CENPN: variants seen among roughly 807,000 people sequenced by gnomAD.
The protein encoded by CENPN is interphase centromere complex protein 32.
Under a neutral mutation model 48.6 loss-of-function variants are expected in CENPN, and 36 were observed. The observed-to-expected ratio is 0.74, with a 90% CI of 0.57 to 0.98. The LOEUF (loss-of-function observed/expected upper bound fraction) is 0.98. CENPN is among the 50% of genes least tolerant of loss of function. CENPN has a pLI of 0.00. For synonymous variants in CENPN, 166 were observed against 135.2 expected, an observed-to-expected ratio of 1.23 and a Z score of -1.58; for missense variants, 439 against 399.2, an observed-to-expected ratio of 1.10 and a Z score of -0.85.
chr16:81,032,485 C>T (rs1970812840), downstream of CENPN: 1 of 1,386,210 alleles, frequency 7.2e-7, no homozygotes, highest in Non-Finnish European at 9.8e-7. Context: ...CCCCTCCCCA[C>T]CAGGCACGTT....
At chr16:81,021,112 C>T (rs1970172817) in intron 6 of CENPN, among the ~76,000 whole-genome samples, 1 of 151,074 alleles carries the variant, frequency 6.6e-6, no homozygotes. Context: ...AAAAAATTAA[C>T]ATAACATTTC....
In CENPN at chr16:81,017,162, A is replaced by G. The variant is rs537480706; in HGVS notation, c.218-164A>G. 31 of 370,236 alleles carry G rather than the reference A, an allele frequency of 8.4e-5. No individual in the cohort carries two copies. The African/African-American group carries it at 1.6e-3, about 19-fold the overall frequency. The allele number at this position is 370,236 out of a possible 1,614,324, so 22.9% of individuals were successfully genotyped here. A position where few individuals can be genotyped will look rare whatever the true frequency, so the allele number is the denominator to read the frequency against. ...ATTATGATTTGCTTTATTTATATGA[A>G]GTACTTTAATCCATATAAAGTTTAT... On this transcript the variant is annotated intron_variant, in intron 3 of 10. Transcript: ENST00000305850.
intron 8 of CENPN, among the ~76,000 whole-genome samples, chr16:81,024,983 C>CA (rs1970399434): frequency 6.6e-6 from 1 of 152,190 alleles, no homozygotes; most frequent in South Asian, 2.1e-4. Flanking sequence ...CAATAAACAA[C>CA]AAAACAATAA....
intron 4 of CENPN, 120 bp downstream of exon 4, chr16:81,017,505 A>G (rs1449334117): frequency 5.5e-6 from 4 of 724,466 alleles, no homozygotes; most frequent in African/African-American, 5.4e-5. Flanking sequence ...GCAAGACTCT[A>G]TATCCAAAAA....
intron 6 of CENPN, among the ~76,000 whole-genome samples, chr16:81,022,022 G>C (rs1485177970): frequency 6.6e-6 from 1 of 152,192 alleles, no homozygotes; most frequent in Non-Finnish European, 1.5e-5. Flanking sequence ...GCCTGCCAAA[G>C]CGCTGGGATT....
intron 2 of CENPN, 107 bp downstream of exon 2, chr16:81,012,217 T>A: frequency 1.0e-6 from 1 of 970,276 alleles, no homozygotes; most frequent in Non-Finnish European, 1.5e-6. Context: ...GCTAAACTAC[T>A]AGTGAAGTGA....
intron 5 of CENPN, among the ~76,000 whole-genome samples, chr16:81,018,173 CTTT>C: frequency 6.9e-6 from 1 of 145,144 alleles, no homozygotes; most frequent in African/African-American, 2.5e-5. Context: ...AATTTTTAAT[CTTT>C]TTTTTTTTTT....
intron 10 of CENPN, 132 bp downstream of exon 10, chr16:81,028,429 C>G (rs1970612203): frequency 1.1e-5 from 16 of 1,465,306 alleles, no homozygotes; most frequent in Admixed American, 6.2e-5. Context: ...TCTCTTGCAT[C>G]TTCTGCTTCT....
In CENPN at chr16:81,028,302, G is replaced by A; in HGVS notation, c.937+5G>A. 2 of 1,614,006 alleles carry A rather than the reference G, an allele frequency of 1.2e-6. No individual in the cohort carries two copies. The highest frequency in any genetic ancestry group is 2.2e-5 in the East Asian group (1 of 44,874). The stretch of plus-strand genomic sequence containing the variant: ...TGAAATCCTTAGCACCAGCGGGTGA[G>A]TGGTCAGCTTACTCTATAAGCTAGA... On this transcript the variant is annotated splice_donor_5th_base_variant and intron_variant, in intron 10 of 10. Coordinates refer to ENST00000305850, the MANE Select transcript of CENPN (RefSeq NM_001100624.3).
chr16:81,030,315 T>C lies in CENPN; in HGVS notation c.*1664T>C, dbSNP rs1020257873. Reference sequence around the variant, plus strand: ...TTGGAGTTACAGAAACACATTAGACTGGGCATGGTGGCTCACACTTGTAAT... The same window carrying C: ...TTGGAGTTACAGAAACACATTAGACCGGGCATGGTGGCTCACACTTGTAAT... On this transcript the variant is annotated 3_prime_UTR_variant, in exon 11 of 11. Transcript: ENST00000305850. 4 of 985,464 alleles carry C rather than the reference T, an allele frequency of 4.1e-6. No homozygotes were observed. In the South Asian group the frequency reaches 1.9e-4, roughly 46 times the overall value. The allele number at this position is 985,464 out of a possible 1,614,324, so 61.0% of individuals were successfully genotyped here. A position where few individuals can be genotyped will look rare whatever the true frequency, so the allele number is the denominator to read the frequency against.
intron 1 of CENPN, among the ~76,000 whole-genome samples, chr16:81,009,114 G>T (rs776902958): frequency 1.2e-4 from 19 of 152,208 alleles, no homozygotes; most frequent in Non-Finnish European, 2.1e-4. Context: ...GGCTGAGGCA[G>T]GAGAATCATT....
At chr16:81,015,878 G>A (rs141191457) in intron 3 of CENPN, among the ~76,000 whole-genome samples, 91 of 152,138 alleles carry the variant, frequency 6.0e-4, no homozygotes, top group African/African-American at 2.1e-3. Context: ...ATGATGGCAG[G>A]TACCTGTAAT....
chr16:81,028,809 C>T lies in CENPN; in HGVS notation c.*158C>T. 7.1e-7 allele frequency: 1 copy of T among 1,408,028 alleles called. No individual in the cohort carries two copies. Among genetic ancestry groups the T allele is most frequent in the Non-Finnish European group, 9.2e-7 (1 of 1,086,432 alleles). The allele number at this position is 1,408,028 out of a possible 1,614,324, so 87.2% of individuals were successfully genotyped here. On this transcript the variant is annotated 3_prime_UTR_variant, in exon 11 of 11. Coordinates refer to ENST00000305850, the MANE Select transcript of CENPN (RefSeq NM_001100624.3). ...GCTCACATAATTGTTGGGACTGATT[C>T]ATTCCTCCACGATATGCCTCCTCTC...
chr16:81,019,061 T>C (rs1476965471), intron 5 of CENPN, among the ~76,000 whole-genome samples: 1 of 152,230 alleles, frequency 6.6e-6, no homozygotes, highest in African/African-American at 2.4e-5. Context: ...GTACCTCTGG[T>C]CTTGCCATGT....
intron 2 of CENPN, among the ~76,000 whole-genome samples, chr16:81,012,597 A>T (rs535169503): frequency 1.3e-5 from 2 of 152,022 alleles, no homozygotes; most frequent in Non-Finnish European, 2.9e-5. Flanking sequence ...TTATTTATTT[A>T]TTTTTTATTT....
chr16:81,027,729 C>G (rs569724664), intron 9 of CENPN, among the ~76,000 whole-genome samples: 11 of 152,224 alleles, frequency 7.2e-5, no homozygotes, highest in African/African-American at 2.4e-4. Context: ...TTCTGAGATG[C>G]AGTTTCACTC....
At chr16:81,014,062 C>A in intron 2 of CENPN, 74 bp from the exon 3 acceptor site, 2 of 1,246,458 alleles carry the variant, frequency 1.6e-6, no homozygotes, top group Non-Finnish European at 1.2e-6. Flanking sequence ...TCTAACCAAT[C>A]CTAAAATGTG....
At position 81,007,273 on chromosome 16, in the gene CENPN, G is replaced by A. The variant is rs1475534388; in HGVS notation, c.-15G>A. ...GAGGAGTGAGACTGCAGGAGATGTG[G>A]GCCGGTAAGAGAGCCCCGGGCGGCA... On this transcript the variant is annotated 5_prime_UTR_variant, in exon 1 of 11. The change creates a premature stop within an existing upstream ORF in the 5' untranslated region. Coordinates refer to ENST00000305850, the MANE Select transcript of CENPN (RefSeq NM_001100624.3). 6.4e-6 allele frequency: 1 copy of A among 155,374 alleles called. No individual in the cohort carries two copies. The allele number at this position is 155,374 out of a possible 1,614,324, so 9.6% of individuals were successfully genotyped here. A position where few individuals can be genotyped will look rare whatever the true frequency, so the allele number is the denominator to read the frequency against.
chr16:81,026,116 T>A (rs1205118862), intron 8 of CENPN, among the ~76,000 whole-genome samples: 2 of 139,298 alleles, frequency 1.4e-5, no homozygotes, highest in Non-Finnish European at 3.1e-5. Context: ...TATATATATA[T>A]GTATATATAT....
Sources: gnomAD v4.1 joint callset for allele counts (sites outside exome capture counted in the v4.1 genomes callset) on GRCh38, gnomAD v4.1.1 for gene constraint, MANE v1.5 for transcripts, NCBI Gene and HGNC (gene_info 2026-07-23, HGNC 2026-07-21) for gene names.